FBXL13: variants seen among roughly 807,000 people sequenced by gnomAD.
FBXL13 encodes F-box and leucine-rich repeat protein 13.
In FBXL13, 67 loss-of-function variants were observed where a neutral mutation model predicts 83.6. That is an observed-to-expected ratio of 0.80 (90% confidence interval 0.66 to 0.98). FBXL13 has a LOEUF of 0.98. FBXL13 is among the 50% of genes least tolerant of loss of function. The probability of loss-of-function intolerance (pLI) is 0.00; values close to 1 mark genes in which losing one functional copy is unlikely to be tolerated. For missense variants in FBXL13, 822 were observed against 866.5 expected (o/e 0.95, Z 0.64); for synonymous variants, 272 against 299.5 (o/e 0.91, Z 0.95).
intron 7 of FBXL13, 99 bp downstream of exon 8, chr7:102,967,923 G>T: frequency 1.2e-6 from 1 of 805,962 alleles, no homozygotes; most frequent in Non-Finnish European, 2.0e-6. Flanking sequence ...GGTGACCACA[G>T]AGCATGGAAG....
chr7:103,006,827 T>C (rs575705292), intron 6 of FBXL13, among the ~76,000 whole-genome samples: 1 of 151,896 alleles, frequency 6.6e-6, no homozygotes, highest in Admixed American at 6.6e-5. Flanking sequence ...TTCTTTAAAA[T>C]AGCTATTATA....
At chr7:102,898,573 G>A (rs1812566507) in intron 11 of FBXL13, among the ~76,000 whole-genome samples, 1 of 152,104 alleles carries the variant, frequency 6.6e-6, no homozygotes, top group African/African-American at 2.4e-5. Flanking sequence ...TTACAAGCAT[G>A]AGCCACCGTG....
In FBXL13 at chr7:102,891,922, A is replaced by G. The variant is rs1346711145; in HGVS notation, c.1009-7610T>C. Among the ~76,000 whole-genome samples, 5 of 152,216 alleles carry G rather than the reference A, an allele frequency of 3.3e-5. No homozygotes were observed. In the East Asian group the frequency reaches 9.6e-4, roughly 29 times the overall value. On this transcript the variant is annotated intron_variant, in intron 11 of 19. Transcript: ENST00000313221. ...GTATTACTGAGAAAATCACAACCAT[A>G]ATACTTTTTTCTTACAACACAATGA...
At chr7:102,984,551 T>C (rs1479982908) in intron 6 of FBXL13, among the ~76,000 whole-genome samples, 1 of 152,240 alleles carries the variant, frequency 6.6e-6, no homozygotes, top group African/African-American at 2.4e-5. Context: ...AGAAGATTGA[T>C]GTCCCAGATC....
chr7:102,887,361 C>A (rs919444412), intron 11 of FBXL13, among the ~76,000 whole-genome samples: 10 of 151,836 alleles, frequency 6.6e-5, no homozygotes, highest in Non-Finnish European at 1.3e-4. Flanking sequence ...TCAGGGTTCT[C>A]CAGAGAAACA....
chr7:102,879,000 C>G (rs563456886), intron 14 of FBXL13, among the ~76,000 whole-genome samples: 2 of 152,326 alleles, frequency 1.3e-5, no homozygotes, highest in South Asian at 2.1e-4. Context: ...GAAACTTCTT[C>G]TGTGTGTCAG....
In FBXL13 at chr7:102,832,899, T is replaced by A; in HGVS notation, c.1795A>T (p.Lys599Ter). The change falls in exon 18 of 20, where the codon AAA (lysine) becomes TAA (stop). Residue 599 changes from lysine to a stop codon, truncating the protein, a stop_gained. Coordinates refer to ENST00000313221, the Ensembl canonical transcript of FBXL13. LOFTEE classifies it high-confidence loss of function. Reference sequence around the variant, plus strand: ...TTAATGCAGTAAATGGCCAGTGCTTTGATAATCATATCTGACAGCTGGGAG... The same window carrying A: ...TTAATGCAGTAAATGGCCAGTGCTTAGATAATCATATCTGACAGCTGGGAG... 6.2e-7 allele frequency: 1 copy of A among 1,614,260 alleles called. No homozygotes were observed.
chr7:102,874,851 G>C (rs1563026382), intron 16 of FBXL13, among the ~76,000 whole-genome samples: 1 of 152,190 alleles, frequency 6.6e-6, no homozygotes, highest in Non-Finnish European at 1.5e-5. Context: ...ACAGGCATGA[G>C]CCATCGTGCC....
chr7:102,840,102 A>C (rs74376810), intron 17 of FBXL13, among the ~76,000 whole-genome samples: 4,688 of 152,326 alleles, frequency 0.031, 199 homozygotes, highest in East Asian at 0.16. Flanking sequence ...AAAAAGAAGG[A>C]AAATTGGAAG....
chr7:103,020,414 C>G (rs1295953356), intron 6 of FBXL13, among the ~76,000 whole-genome samples: 1 of 152,178 alleles, frequency 6.6e-6, no homozygotes, highest in Non-Finnish European at 1.5e-5. Flanking sequence ...AAAACTAGCA[C>G]AAGACAAGGA....
rs561496473 is a variant in FBXL13, at chr7:103,022,219, T to G, written c.495+2844A>C. On this transcript the variant is annotated intron_variant, in intron 6 of 19. Transcript: ENST00000313221. ...GCTGGAAACCATCATTCTCAGCAAA[T>G]TATCACAAGGACAGAAAACCAAACA... Among the ~76,000 whole-genome samples the G allele has an allele frequency of 5.9e-5, 9 of 151,404 alleles. No homozygotes were observed. The South Asian group carries it at 1.9e-3, about 32-fold the overall frequency.
chr7:102,935,029 A>G (rs1820011223), intron 8 of FBXL13, among the ~76,000 whole-genome samples: 2 of 152,148 alleles, frequency 1.3e-5, no homozygotes, highest in African/African-American at 4.8e-5. Context: ...AATAAGTGCA[A>G]ATGCCATCTA....
chr7:102,904,957 C>T (rs536174229), intron 11 of FBXL13, among the ~76,000 whole-genome samples: 2 of 152,162 alleles, frequency 1.3e-5, no homozygotes, highest in African/African-American at 4.8e-5. Context: ...AGTTTTATTC[C>T]ATTGTAGTCA....
intron 10 of FBXL13, among the ~76,000 whole-genome samples, chr7:102,913,455 A>G (rs927827637): frequency 8.5e-5 from 13 of 152,238 alleles, no homozygotes; most frequent in African/African-American, 2.9e-4. Context: ...TAATAGTTCA[A>G]TAATATTTGC....
At chr7:102,896,164 A>C (rs1008543019) in intron 11 of FBXL13, among the ~76,000 whole-genome samples, 78 of 152,368 alleles carry the variant, frequency 5.1e-4, no homozygotes, top group African/African-American at 1.5e-3. Flanking sequence ...CAGATTTCTC[A>C]GGGCCTTGTA....
chr7:102,928,884 A>T (rs926006011), intron 9 of FBXL13, among the ~76,000 whole-genome samples: 13 of 152,338 alleles, frequency 8.5e-5, no homozygotes, highest in African/African-American at 3.1e-4. Flanking sequence ...AAAGAGTGCA[A>T]CCAGAGAAAG....
In FBXL13 at chr7:103,063,322, A is replaced by G. The variant is rs2129500630; in HGVS notation, c.-104-7575T>C. Among the ~76,000 whole-genome samples, 2 of 152,342 alleles carry G rather than the reference A, an allele frequency of 1.3e-5. 1 individual carries two copies. Among genetic ancestry groups the G allele is most frequent in the South Asian group, 4.1e-4 (2 of 4,828 alleles). On this transcript the variant is annotated intron_variant, in intron 1 of 19. Transcript: ENST00000313221. ...TATTCCCTAAATGAAACAGTATACCATCTACTTACATAGCATTTACATTGT... is the reference window on the plus strand; with the variant it reads ...TATTCCCTAAATGAAACAGTATACCGTCTACTTACATAGCATTTACATTGT...
At chr7:102,816,184 G>A (rs1346721461) in intron 19 of FBXL13, 1 of 152,158 alleles carries the variant, frequency 6.6e-6, no homozygotes, top group African/African-American at 2.4e-5. Context: ...TGGAAGTGAT[G>A]CTTACTGACT....
rs367899444 is a variant in FBXL13, at chr7:102,928,128, T to A, written c.778-1754A>T. ...AATCCATTCTTTGCATTTTCCTGTCTAAAGAAGCTTGGACATCCAAACAAA... is the reference window on the plus strand; with the variant it reads ...AATCCATTCTTTGCATTTTCCTGTCAAAAGAAGCTTGGACATCCAAACAAA... On this transcript the variant is annotated intron_variant, in intron 9 of 19. Transcript: ENST00000313221. Among the ~76,000 whole-genome samples the A allele has an allele frequency of 1.4e-4, 22 of 152,316 alleles. No homozygotes were observed. In the East Asian group the frequency reaches 2.3e-3, roughly 16 times the overall value.
Sources: allele counts gnomAD v4.1 joint callset (sites outside exome capture counted in the v4.1 genomes callset), GRCh38; gene constraint gnomAD v4.1.1; transcripts MANE v1.5; gene names NCBI Gene and HGNC (gene_info 2026-07-23, HGNC 2026-07-21).